The following PLD1 variants were observed in gnomAD, a reference collection of about 807,000 sequenced individuals.
PLD1 encodes phospholipase D1, also known as choline phosphatase 1.
In PLD1, 112 loss-of-function variants were observed where a neutral mutation model predicts 137.1. The observed-to-expected ratio is 0.82, with a 90% CI of 0.70 to 0.96. The LOEUF is 0.96. Among genes scored for constraint, PLD1 ranks in the 40% least tolerant of loss-of-function variants. The pLI, the probability that PLD1 is intolerant of heterozygous loss-of-function variation, is 0.00. For synonymous variants in PLD1, 431 were observed against 454.7 expected (o/e 0.95, Z 0.66); for missense variants, 1,321 against 1,342.0 (o/e 0.98, Z 0.24).
chr3:171,635,551 A>C (rs1047146374), intron 23 of PLD1, among the ~76,000 whole-genome samples: 6 of 152,104 alleles, frequency 3.9e-5, no homozygotes, highest in African/African-American at 4.8e-5. Flanking sequence ...CTTATCATCC[A>C]GTTGAATATC....
chr3:171,800,081 T>C (rs59137638), intron 1 of PLD1, among the ~76,000 whole-genome samples: 19,552 of 152,262 alleles, frequency 0.13, 1,354 homozygotes, highest in Middle Eastern at 0.21. Flanking sequence ...TCATTAATTA[T>C]AACAAATGTA....
At chr3:171,639,848 C>CTATATATATATATATATA (rs148607591) in intron 23 of PLD1, among the ~76,000 whole-genome samples, 1 of 110,212 alleles carries the variant, frequency 9.1e-6, no homozygotes, top group African/African-American at 3.9e-5. Flanking sequence ...CTCTCTCTCT[C>CTATATATATATATATATA]TATATATATA....
At chr3:171,748,163 C>T (rs1720388810) in intron 1 of PLD1, among the ~76,000 whole-genome samples, 2 of 152,120 alleles carry the variant, frequency 1.3e-5, no homozygotes, top group African/African-American at 4.8e-5. Flanking sequence ...CTGTAAATGA[C>T]AAGGCACATT....
chr3:171,650,064 C>T (rs912629993), intron 21 of PLD1, among the ~76,000 whole-genome samples: 1 of 152,150 alleles, frequency 6.6e-6, no homozygotes, highest in East Asian at 1.9e-4. Context: ...ACCGGAGAAA[C>T]GAAGCAGGCA....
In PLD1 at chr3:171,724,768, C is replaced by A; in HGVS notation, c.686G>T (p.Arg229Ile). 6.2e-7 allele frequency: 1 copy of A among 1,607,658 alleles called. No homozygotes were observed. Among genetic ancestry groups the A allele is most frequent in the Non-Finnish European group, 8.5e-7 (1 of 1,175,456 alleles). The change falls in exon 8 of 27, where the codon AGA becomes ATA. Residue 229 changes from arginine (R) to isoleucine (I), a missense_variant. Arg to Ile is a moderately conservative substitution (Grantham distance 97, BLOSUM62 -3). Coordinates refer to ENST00000351298, the MANE Select transcript of PLD1 (RefSeq NM_002662.5). Reference sequence around the variant, plus strand: ...GCCTGGTATTCTGTGTCCTCCAGATCTTTTCATTATCATACCTTCTCTGAA... The same window carrying A: ...GCCTGGTATTCTGTGTCCTCCAGATATTTTCATTATCATACCTTCTCTGAA... Reference protein sequence around the residue: ...PKGIEGMIMKRSGGHRIPGLN... With the variant: ...PKGIEGMIMKISGGHRIPGLN...
At chr3:171,630,560 C>T (rs562986243) in intron 23 of PLD1, among the ~76,000 whole-genome samples, 1 of 139,148 alleles carries the variant, frequency 7.2e-6, no homozygotes, top group East Asian at 2.0e-4. Flanking sequence ...AAGACACATG[C>T]ACACGTATGT....
At chr3:171,679,464 G>A (rs1713734091) in intron 16 of PLD1, among the ~76,000 whole-genome samples, 1 of 152,076 alleles carries the variant, frequency 6.6e-6, no homozygotes, top group African/African-American at 2.4e-5. Flanking sequence ...ATAGCACTTT[G>A]TTAAAAGAAG....
intron 1 of PLD1, among the ~76,000 whole-genome samples, chr3:171,783,497 CG>C (rs1435078734): frequency 1.3e-5 from 2 of 151,956 alleles, no homozygotes; most frequent in African/African-American, 4.8e-5. Flanking sequence ...AAGGAGTGGA[CG>C]TAAAAGTGTT....
rs186604683 is a variant in PLD1 at position 171,619,195 on chromosome 3, T to C, written c.2728+1191A>G. Reference sequence around the variant, plus strand: ...ACATGACCCACACTGGTTACCTCATTTACCTGGTTGATTATTTATACTCTA... The same window carrying C: ...ACATGACCCACACTGGTTACCTCATCTACCTGGTTGATTATTTATACTCTA... On this transcript the variant is annotated intron_variant, in intron 24 of 26. Coordinates refer to ENST00000351298, the MANE Select transcript of PLD1 (RefSeq NM_002662.5). Among the ~76,000 whole-genome samples, 254 of 152,276 alleles carry C rather than the reference T, an allele frequency of 1.7e-3. 3 individuals carry two copies. The highest frequency in any genetic ancestry group is 5.9e-3 in the African/African-American group (244 of 41,548).
Position 171,692,581 on chromosome 3 carries a change from C to G in PLD1, c.1228-139G>C, listed in dbSNP as rs140782934. 19 of 573,498 alleles carry G rather than the reference C, an allele frequency of 3.3e-5. No homozygotes were observed. In the East Asian group the frequency reaches 5.4e-4, roughly 16 times the overall value. 35.5% of individuals were successfully genotyped at this position (573,498 alleles called of 1,614,324 possible). ...TGTCACCCAGCCTGGAGTGCAGTGG[C>G]GCAATCTCGGCTCACTGCAACCTCC... On this transcript the variant is annotated intron_variant, in intron 12 of 26. Coordinates refer to ENST00000351298, the MANE Select transcript of PLD1 (RefSeq NM_002662.5).
At chr3:171,726,228 T>G (rs1342915140) in intron 6 of PLD1, 152 bp from the exon 7 acceptor site, 1 of 615,202 alleles carries the variant, frequency 1.6e-6, no homozygotes, top group African/African-American at 1.8e-5. Flanking sequence ...ACTAAAAGAG[T>G]GCAGATTAGG....
chr3:171,802,477 T>C (rs1221669511), intron 1 of PLD1, among the ~76,000 whole-genome samples: 3 of 152,150 alleles, frequency 2.0e-5, no homozygotes, highest in African/African-American at 7.2e-5. Flanking sequence ...AAGGAAGCCA[T>C]GCAAAGACTT....
chr3:171,727,680 A>G (rs974984999), intron 6 of PLD1, among the ~76,000 whole-genome samples: 1 of 152,202 alleles, frequency 6.6e-6, no homozygotes, highest in Non-Finnish European at 1.5e-5. Flanking sequence ...TTACAGAGTT[A>G]TAGAATAGTG....
At chr3:171,733,595 A>G (rs1240304018) in intron 5 of PLD1, 86 bp from the exon 6 acceptor site, 4 of 575,622 alleles carry the variant, frequency 6.9e-6, no homozygotes, top group Non-Finnish European at 1.2e-5. Context: ...TGAGATCATC[A>G]TTTTCATCTT....
intron 1 of PLD1, among the ~76,000 whole-genome samples, chr3:171,772,911 T>A (rs917744044): frequency 6.6e-6 from 1 of 152,232 alleles, no homozygotes; most frequent in African/African-American, 2.4e-5. Context: ...ATGATTTGCA[T>A]GCCCAAGGAA....
In PLD1 at chr3:171,629,461, C is replaced by T. The variant is rs1459933943; in HGVS notation, c.2594-8941G>A. Among the ~76,000 whole-genome samples the T allele has an allele frequency of 7.9e-5, 12 of 152,232 alleles. No homozygotes were observed. In the East Asian group the frequency reaches 1.7e-3, roughly 22 times the overall value. ...CACAAGGTAATTTATAGATTCAATG[C>T]CATCCCCATCAAGCTACCAATGACT... On this transcript the variant is annotated intron_variant, in intron 23 of 26. Transcript: ENST00000351298.
In PLD1 at chr3:171,764,867, GAAAGAAAGAAAGAAAGAAAGAAAGA is replaced by G. The variant is rs1560288177; in HGVS notation, c.-31-26810_-31-26786del. On this transcript the variant is annotated intron_variant, in intron 1 of 26. Transcript: ENST00000351298. ...AGAAAGAAAGAAAGAAAGAAAGAAA[GAAAGAAAGAAAGAAAGAAAGAAAGA>G]AAGGAAGGAAGGAAGGAAGGAAAGA... Among the ~76,000 whole-genome samples, 25 of 24,246 alleles carry G rather than the reference GAAAGAAAGAAAGAAAGAAAGAAAGA, an allele frequency of 1.0e-3. 1 individual carries two copies. The highest frequency in any genetic ancestry group is 1.6e-3 in the Admixed American group (3 of 1,916). The allele number at this position is 24,246 out of a possible 152,430, so 15.9% of individuals were successfully genotyped here. A position where few individuals can be genotyped will look rare whatever the true frequency, so the allele number is the denominator to read the frequency against.
At chr3:171,689,508 TTCC>T (rs542383965) in intron 13 of PLD1, among the ~76,000 whole-genome samples, 36 of 152,078 alleles carry the variant, frequency 2.4e-4, no homozygotes, top group Admixed American at 7.9e-4. Context: ...CCTTCCTTCC[TTCC>T]TTTCTTTCTT....
intron 1 of PLD1, among the ~76,000 whole-genome samples, chr3:171,755,340 T>A (rs1460406995): frequency 6.6e-6 from 1 of 152,082 alleles, no homozygotes; most frequent in Non-Finnish European, 1.5e-5. Flanking sequence ...CTCTCCAAAG[T>A]TCATAACCAC....
Sources: allele counts gnomAD v4.1 joint callset (sites outside exome capture counted in the v4.1 genomes callset), GRCh38; gene constraint gnomAD v4.1.1; transcripts MANE v1.5; gene names NCBI Gene and HGNC (gene_info 2026-07-23, HGNC 2026-07-21).